Variants in EHBP1 observed in about 807,000 individuals in gnomAD.
EHBP1 encodes EH domain binding protein 1, also known as EH domain-binding protein 1.
EHBP1 carries 55 observed loss-of-function variants against 144.0 expected under a neutral mutation model. The ratio of observed to expected loss-of-function variants is 0.38; its 90% CI spans 0.31 to 0.48. The LOEUF (loss-of-function observed/expected upper bound fraction) is 0.48. Ranked by LOEUF, EHBP1 falls within the 20% of genes least tolerant of loss-of-function variation. The pLI, the probability that EHBP1 is intolerant of heterozygous loss-of-function variation, is 0.98. For synonymous variants in EHBP1, 469 were observed against 472.7 expected, an observed-to-expected ratio of 0.99 and a Z score of 0.10; for missense variants, 1,200 against 1,364.2, an observed-to-expected ratio of 0.88 and a Z score of 1.90.
intron 7 of EHBP1, among the ~76,000 whole-genome samples, chr2:62,843,139 A>G (rs974871985): frequency 1.3e-5 from 2 of 152,166 alleles, no homozygotes; most frequent in Non-Finnish European, 2.9e-5. Flanking sequence ...TACATTTTTT[A>G]TATTTTATGA....
chr2:62,876,378 C>T (rs1426434033), intron 10 of EHBP1, among the ~76,000 whole-genome samples: 1 of 152,144 alleles, frequency 6.6e-6, no homozygotes, highest in Non-Finnish European at 1.5e-5. Context: ...TCCAGCCAAA[C>T]TAAACTTCGT....
At chr2:62,750,297 T>G (rs1419524341) in intron 3 of EHBP1, among the ~76,000 whole-genome samples, 1 of 152,194 alleles carries the variant, frequency 6.6e-6, no homozygotes, top group African/African-American at 2.4e-5. Context: ...TGGTTGTAGA[T>G]GTGTGGTATT....
chr2:62,981,736 T>A (rs2058981202), intron 15 of EHBP1, among the ~76,000 whole-genome samples: 4 of 152,042 alleles, frequency 2.6e-5, no homozygotes, highest in Admixed American at 2.6e-4. Flanking sequence ...GTAAATAAAG[T>A]AAACAAAGGA....
At chr2:62,753,337 T>A (rs1229708756) in intron 3 of EHBP1, among the ~76,000 whole-genome samples, 1 of 152,222 alleles carries the variant, frequency 6.6e-6, no homozygotes, top group Admixed American at 6.5e-5. Context: ...GCCCCCACTC[T>A]CTTCTGGCTT....
At chr2:62,810,994 CT>C (rs1171841650) in intron 5 of EHBP1, among the ~76,000 whole-genome samples, 1 of 152,072 alleles carries the variant, frequency 6.6e-6, no homozygotes, top group Non-Finnish European at 1.5e-5. Context: ...GACCTTTCAC[CT>C]AAACACTTTA....
chr2:62,879,490 A>G (rs1573865612), intron 10 of EHBP1, among the ~76,000 whole-genome samples: 2 of 151,192 alleles, frequency 1.3e-5, no homozygotes, highest in East Asian at 3.9e-4. Flanking sequence ...TACAACTACA[A>G]GTCTATATAA....
chr2:63,037,676 TA>T, intron 20 of EHBP1, 42 bp downstream of exon 20: 1 of 1,203,342 alleles, frequency 8.3e-7, no homozygotes, highest in Non-Finnish European at 1.2e-6. Flanking sequence ...ACAACATTGA[TA>T]AATCTTAGGC....
At chr2:63,003,739 G>A (rs2059930725) in intron 19 of EHBP1, among the ~76,000 whole-genome samples, 1 of 152,070 alleles carries the variant, frequency 6.6e-6, no homozygotes, top group African/African-American at 2.4e-5. Flanking sequence ...AAACTCAGCG[G>A]AAGAAGCCAG....
rs1442636949 is a variant in EHBP1, at chr2:62,721,653, C to T, written c.104+14358C>T. Among the ~76,000 whole-genome samples, 6 of 152,126 alleles carry T rather than the reference C, an allele frequency of 3.9e-5. No individual in the cohort carries two copies. In the East Asian group the frequency reaches 9.6e-4, roughly 24 times the overall value. ...ATTCATCAGTAGATTTTGCTTGTAG[C>T]GATCACTACTGTGTCCTAATGATAA... is the stretch of plus-strand genomic sequence containing the variant. On this transcript the variant is annotated intron_variant, in intron 2 of 22. Transcript: ENST00000431489.
chr2:62,725,685 A>T (rs1572978288), intron 2 of EHBP1, among the ~76,000 whole-genome samples: 1 of 151,974 alleles, frequency 6.6e-6, no homozygotes, highest in African/African-American at 2.4e-5. Context: ...AGGATGGGGG[A>T]TGGACTGCAC....
intron 5 of EHBP1, among the ~76,000 whole-genome samples, chr2:62,798,276 G>A (rs1259664622): frequency 2.6e-5 from 4 of 152,066 alleles, no homozygotes; most frequent in Admixed American, 6.5e-5. Flanking sequence ...GCTGAAGCAC[G>A]AGAATCGCTT....
At chr2:62,930,961 T>G (rs1399101647) in intron 10 of EHBP1, among the ~76,000 whole-genome samples, 1 of 152,132 alleles carries the variant, frequency 6.6e-6, no homozygotes, top group Admixed American at 6.5e-5. Context: ...ACATTGGATT[T>G]GGGAGTGATT....
At chr2:62,743,968 C>T (rs2038936774) in intron 2 of EHBP1, among the ~76,000 whole-genome samples, 1 of 152,076 alleles carries the variant, frequency 6.6e-6, no homozygotes. Flanking sequence ...AGCATGCCGT[C>T]TTCAGATTTA....
At chr2:62,835,886 A>G (rs917295843) in intron 7 of EHBP1, among the ~76,000 whole-genome samples, 1 of 152,154 alleles carries the variant, frequency 6.6e-6, no homozygotes, top group East Asian at 1.9e-4. Flanking sequence ...GTCTGAGATC[A>G]AACTGCAAGG....
intron 1 of EHBP1, among the ~76,000 whole-genome samples, chr2:62,699,128 T>C (rs2034198209): frequency 6.6e-6 from 1 of 152,236 alleles, no homozygotes; most frequent in African/African-American, 2.4e-5. Context: ...AGCCTTATTA[T>C]TTCAGAATGA....
chr2:62,679,850 C>G (rs1054704763), intron 1 of EHBP1, among the ~76,000 whole-genome samples: 11 of 152,112 alleles, frequency 7.2e-5, no homozygotes, highest in Admixed American at 6.6e-4. Context: ...GTTTAGAGGC[C>G]TGGAGGAAAA....
chr2:63,028,180 C>CA (rs2153327785), intron 19 of EHBP1, among the ~76,000 whole-genome samples: 1 of 152,180 alleles, frequency 6.6e-6, no homozygotes, highest in Non-Finnish European at 1.5e-5. Flanking sequence ...TTAGACATTC[C>CA]ACAATGTTTA....
chr2:62,831,229 C>T (rs2046804572), intron 7 of EHBP1, 71 bp downstream of exon 7: 1 of 1,422,920 alleles, frequency 7.0e-7, no homozygotes, highest in African/African-American at 1.5e-5. Flanking sequence ...TCTCATTTCC[C>T]AGGAAAAAAC....
intron 5 of EHBP1, among the ~76,000 whole-genome samples, chr2:62,780,716 A>G (rs1258312080): frequency 1.3e-5 from 2 of 152,316 alleles, no homozygotes; most frequent in Middle Eastern, 3.4e-3. Flanking sequence ...AAGAAACTCT[A>G]TGTTAAAATA....
Sources: gnomAD v4.1 joint callset for allele counts (sites outside exome capture counted in the v4.1 genomes callset) on GRCh38, gnomAD v4.1.1 for gene constraint, MANE v1.5 for transcripts, NCBI Gene and HGNC (gene_info 2026-07-23, HGNC 2026-07-21) for gene names.